The following RASA2 variants were observed in gnomAD, a reference collection of about 807,000 sequenced individuals.
RASA2 encodes the protein RAS p21 protein activator 2, also known as ras GTPase-activating protein 2.
RASA2 carries 155 observed loss-of-function variants against 118.2 expected under a neutral mutation model. That is an observed-to-expected ratio of 1.31 (90% CI 1.15 to 1.50). The LOEUF (loss-of-function observed/expected upper bound fraction) is 1.50, where lower values mean the gene tolerates loss of function less well. Ranked by LOEUF, RASA2 falls within the 40% of genes most tolerant of loss-of-function variation. The pLI, the probability that RASA2 is intolerant of heterozygous loss-of-function variation, is 0.00. For missense variants in RASA2, 1,016 were observed against 1,009.6 expected (o/e 1.01, Z -0.09); for synonymous variants, 353 against 349.1 (o/e 1.01, Z -0.12).
rs540977166 is a variant in RASA2, at chr3:141,612,633, A to G, written c.*320A>G. The G allele has an allele frequency of 2.8e-5, 7 of 252,238 alleles. No homozygotes were observed. In the East Asian group the frequency reaches 3.2e-4, roughly 12 times the overall value. 15.6% of individuals were successfully genotyped at this position (252,238 alleles called of 1,614,324 possible). On this transcript the variant is annotated 3_prime_UTR_variant, in exon 24 of 24. Transcript: ENST00000286364. ...GAGAACTCCTCCGTAGCAAGAAACC[A>G]TCTCTTCTTGTAACACTCTGTTCTG...
chr3:141,497,426 A>T (rs2081719149), intron 1 of RASA2, among the ~76,000 whole-genome samples: 1 of 152,112 alleles, frequency 6.6e-6, no homozygotes, highest in African/African-American at 2.4e-5. Context: ...ATATAAATGA[A>T]CTTGATACAG....
At chr3:141,536,962 G>C (rs1236207151) in intron 4 of RASA2, among the ~76,000 whole-genome samples, 2 of 152,028 alleles carry the variant, frequency 1.3e-5, no homozygotes, top group African/African-American at 4.8e-5. Flanking sequence ...GGTCAGGCTG[G>C]TCTCAAACTG....
chr3:141,545,351 G>T (rs1295689173), intron 5 of RASA2, among the ~76,000 whole-genome samples: 1 of 152,040 alleles, frequency 6.6e-6, no homozygotes, highest in Non-Finnish European at 1.5e-5. Flanking sequence ...GGCAGCATCT[G>T]CTTCTGGGGA....
At chr3:141,487,931 G>T (rs538082492) in intron 1 of RASA2, among the ~76,000 whole-genome samples, 4 of 152,184 alleles carry the variant, frequency 2.6e-5, no homozygotes, top group Admixed American at 2.0e-4. Flanking sequence ...ACTAAAGGCA[G>T]GATGTAGTGG....
intron 1 of RASA2, among the ~76,000 whole-genome samples, chr3:141,487,931 G>C (rs538082492): frequency 6.6e-6 from 1 of 152,302 alleles, no homozygotes; most frequent in East Asian, 1.9e-4. Context: ...ACTAAAGGCA[G>C]GATGTAGTGG....
intron 19 of RASA2, among the ~76,000 whole-genome samples, chr3:141,597,646 AAAAG>A (rs892117266): frequency 7.9e-5 from 12 of 152,232 alleles, no homozygotes; most frequent in African/African-American, 2.2e-4. Context: ...TATTTTTAAA[AAAAG>A]AAAGGATAAA....
At chr3:141,576,352 TA>T (rs2083011935) in intron 14 of RASA2, among the ~76,000 whole-genome samples, 1 of 152,186 alleles carries the variant, frequency 6.6e-6, no homozygotes, top group African/African-American at 2.4e-5. Flanking sequence ...TTAGAAGAGT[TA>T]AAACTCGAAC....
At position 141,570,302 on chromosome 3, in the gene RASA2, A is replaced by G. The variant is rs145067739; in HGVS notation, c.864-610A>G. ...AGTGGCGGGATCTCAGCTCACTGCA[A>G]CTCCGCCTCCTGAGTTCAAGTGATT... On this transcript the variant is annotated intron_variant, in intron 9 of 23. Coordinates refer to ENST00000286364, the MANE Select transcript of RASA2 (RefSeq NM_006506.5). Among the ~76,000 whole-genome samples, 624 of 151,564 alleles carry G rather than the reference A, an allele frequency of 4.1e-3. 4 individuals are homozygous for G. The highest frequency in any genetic ancestry group is 0.014 in the African/African-American group (583 of 41,328).
In RASA2 at chr3:141,586,034, G is replaced by A; in HGVS notation, c.1762G>A (p.Glu588Lys). 1 of 1,609,316 alleles carries A rather than the reference G, an allele frequency of 6.2e-7. No individual in the cohort carries two copies. Among genetic ancestry groups the A allele is most frequent in the South Asian group, 1.1e-5 (1 of 90,890 alleles). The part of the protein sequence containing the change: ...YIIAVKKFLD[E>K]ISSTETKESS... ...CCATTTCCCCATTTAGTTCTTGGAT[G>A]AAATTTCATCTACTGAAACTAAAGA... The change falls in exon 18 of 24, where the codon GAA becomes AAA. Residue 588 changes from glutamate to lysine, a missense_variant. Physicochemically the swap from Glu to Lys is moderately conservative, Grantham distance 56. Coordinates refer to ENST00000286364, the MANE Select transcript of RASA2 (RefSeq NM_006506.5).
rs2082027761 is a variant in RASA2, at chr3:141,516,432, G to A, written c.355+1G>A. ...GTTTTACAAAGAGATCTCCGTATAG[G>A]TATGTACTATTCATAATTATCTTTA... On this transcript the variant is annotated splice_donor_variant, in intron 3 of 23. Coordinates refer to ENST00000286364, the MANE Select transcript of RASA2 (RefSeq NM_006506.5). LOFTEE classifies it high-confidence loss of function. The A allele has an allele frequency of 2.0e-6, 3 of 1,473,658 alleles. No individual in the cohort carries two copies. The highest frequency in any genetic ancestry group is 2.3e-5 in the Admixed American group (1 of 43,444). The allele number at this position is 1,473,658 out of a possible 1,614,324, so 91.3% of individuals were successfully genotyped here.
chr3:141,591,221 C>T (rs1362391259), intron 19 of RASA2, among the ~76,000 whole-genome samples: 1 of 152,176 alleles, frequency 6.6e-6, no homozygotes, highest in African/African-American at 2.4e-5. Context: ...GCCTTCTTTA[C>T]ATCTTTTGCA....
Position 141,612,491 on chromosome 3 carries a change from T to C in RASA2, c.*178T>C. ...AATTGTTTGGGAATCCTGGTATTGA[T>C]GTATTACTAGAGAATTTAAAGCCCA... On this transcript the variant is annotated 3_prime_UTR_variant, in exon 24 of 24. Coordinates refer to ENST00000286364, the MANE Select transcript of RASA2 (RefSeq NM_006506.5). 1.9e-6 allele frequency: 1 copy of C among 533,398 alleles called. No homozygotes were observed. The highest frequency in any genetic ancestry group is 3.9e-5 in the Admixed American group (1 of 25,628). The allele number at this position is 533,398 out of a possible 1,614,324, so 33.0% of individuals were successfully genotyped here.
At chr3:141,580,243 T>C (rs1362239345) in intron 15 of RASA2, 125 bp from the exon 16 acceptor site, 3 of 647,776 alleles carry the variant, frequency 4.6e-6, no homozygotes, top group Non-Finnish European at 2.6e-6. Flanking sequence ...ATTTTAACTG[T>C]GTGTGTTTTG....
rs1318664574 is a variant in RASA2 at position 141,553,771 on chromosome 3, T to C, written c.528-86T>C. 7 of 1,529,624 alleles carry C rather than the reference T, an allele frequency of 4.6e-6. No homozygotes were observed. In the African/African-American group the frequency reaches 8.3e-5, roughly 18 times the overall value. 94.8% of individuals were successfully genotyped at this position (1,529,624 alleles called of 1,614,324 possible). ...ACATGGAAAACAATTCTTAACCTTT[T>C]GAATGTATTAGTTTGTGTTTAAAGA... On this transcript the variant is annotated intron_variant, in intron 5 of 23. Transcript: ENST00000286364.
chr3:141,596,016 T>A (rs2083360708), intron 19 of RASA2, among the ~76,000 whole-genome samples: 1 of 152,216 alleles, frequency 6.6e-6, no homozygotes. Context: ...ATACTATCAG[T>A]CACCTTGATC....
chr3:141,608,135 A>G (rs2083577702), intron 20 of RASA2, among the ~76,000 whole-genome samples: 1 of 152,218 alleles, frequency 6.6e-6, no homozygotes, highest in African/African-American at 2.4e-5. Context: ...AGTGCATACC[A>G]TACACTTAAG....
At chr3:141,560,760 G>A (rs766738500) in intron 9 of RASA2, among the ~76,000 whole-genome samples, 5 of 152,074 alleles carry the variant, frequency 3.3e-5, no homozygotes, top group Non-Finnish European at 7.4e-5. Context: ...TTTCAACTGG[G>A]TATAAATGAA....
rs1003103139 is a variant in RASA2, at chr3:141,613,702, T to C, written c.*1389T>C. ...TGAGCATAAGCTATATTTCAAGATA[T>C]ACTTTGCCAATTTTGTTATTGGTGG... On this transcript the variant is annotated 3_prime_UTR_variant, in exon 24 of 24. Transcript: ENST00000286364. 3.3e-5 allele frequency: 5 copies of C among 152,254 alleles called. No homozygotes were observed. Among genetic ancestry groups the C allele is most frequent in the African/African-American group, 7.2e-5 (3 of 41,474 alleles). 9.4% of individuals were successfully genotyped at this position (152,254 alleles called of 1,614,324 possible).
At position 141,553,911 on chromosome 3, in the gene RASA2, T is replaced by C. The variant is rs773551259; in HGVS notation, c.582T>C (p.Tyr194=). 11 of 1,612,740 alleles carry C rather than the reference T, an allele frequency of 6.8e-6. No individual in the cohort carries two copies. The highest frequency in any genetic ancestry group is 8.5e-6 in the Non-Finnish European group (10 of 1,179,248). The part of the protein sequence containing the change: ...PLINGQSCDP[Y]ATVSLVGPSR... ...TAAATGGCCAAAGCTGTGACCCTTA[T>C]GCAACAGTTTCTCTAGTGGGCCCTT... Residue 194 remains tyrosine (Y), a synonymous_variant, in exon 6 of 24, where the codon TAT becomes TAC. Coordinates refer to ENST00000286364, the MANE Select transcript of RASA2 (RefSeq NM_006506.5).
Sources: gnomAD v4.1 joint callset for allele counts (sites outside exome capture counted in the v4.1 genomes callset) on GRCh38, gnomAD v4.1.1 for gene constraint, MANE v1.5 for transcripts, NCBI Gene and HGNC (gene_info 2026-07-23, HGNC 2026-07-21) for gene names.